The following CNNM2 variants were observed in gnomAD, a reference collection of about 807,000 sequenced individuals.
CNNM2 encodes metal transporter CNNM2.
CNNM2 carries 12 observed loss-of-function variants against 66.9 expected under a neutral mutation model. The observed-to-expected ratio is 0.18, with a 90% CI of 0.11 to 0.29. The LOEUF (loss-of-function observed/expected upper bound fraction) is 0.29. Ranked by LOEUF, CNNM2 falls within the 10% of genes least tolerant of loss-of-function variation. CNNM2 has a pLI of 1.00. For missense variants in CNNM2, 705 were observed against 1,167.7 expected (o/e 0.60, Z 5.77); for synonymous variants, 557 against 501.8 (o/e 1.11, Z -1.47).
intron 6 of CNNM2, 36 bp downstream of exon 6, chr10:103,071,875 A>G (rs1359071902): frequency 6.3e-7 from 1 of 1,592,352 alleles, no homozygotes; most frequent in African/African-American, 1.3e-5. Context: ...AATTCTCCTG[A>G]TTGCCTTCCT....
chr10:102,986,608 A>G (rs1018019292), intron 1 of CNNM2, among the ~76,000 whole-genome samples: 4 of 143,972 alleles, frequency 2.8e-5, no homozygotes, highest in Non-Finnish European at 6.2e-5. Flanking sequence ...CGATGAAACC[A>G]TGTCTCTACT....
intron 1 of CNNM2, among the ~76,000 whole-genome samples, chr10:103,028,743 C>G (rs536895553): frequency 2.2e-4 from 33 of 151,844 alleles, no homozygotes; most frequent in Non-Finnish European, 4.0e-4. Context: ...CAAGATCTTG[C>G]AGAGATAATA....
At position 102,919,133 on chromosome 10, in the gene CNNM2, C is replaced by T. The variant is rs1845535718; in HGVS notation, c.653C>T (p.Ser218Leu). 5.6e-6 allele frequency: 9 copies of T among 1,609,058 alleles called. No homozygotes were observed. Among genetic ancestry groups the T allele is most frequent in the Non-Finnish European group, 7.6e-6 (9 of 1,179,020 alleles). Residue 218 changes from serine (S) to leucine (L), a missense_variant, in exon 1 of 8, where the codon TCG becomes TTG. Physicochemically the swap from Ser to Leu is moderately radical, Grantham distance 145 (BLOSUM62 -2). Around this residue, in one of 9 missense-constraint regions of CNNM2, gnomAD observed 100 missense variants for 151.9 expected, o/e 0.66. Coordinates refer to ENST00000369878, the MANE Select transcript of CNNM2 (RefSeq NM_017649.5). ...GGCGCCGTCGGGGGCAAGGGTGGCT[C>T]GGGGGTGGCCGGGCTCCCGCCGCCC... ...TGGAVGGKGG[S>L]GVAGLPPPPW...
chr10:103,057,169 C>T (rs976545468), intron 4 of CNNM2, among the ~76,000 whole-genome samples: 6 of 152,102 alleles, frequency 3.9e-5, no homozygotes, highest in African/African-American at 1.2e-4. Context: ...ATTTTCAATA[C>T]TAAAAGGTGC....
At chr10:102,932,287 C>A (rs552954202) in intron 1 of CNNM2, among the ~76,000 whole-genome samples, 1 of 151,598 alleles carries the variant, frequency 6.6e-6, no homozygotes, top group Non-Finnish European at 1.5e-5. Context: ...TGGCCTCAAC[C>A]GATCCTCCAG....
intron 1 of CNNM2, among the ~76,000 whole-genome samples, chr10:102,968,224 TTTGTTGTTG>T (rs367990275): frequency 8.6e-5 from 13 of 152,006 alleles, no homozygotes; most frequent in African/African-American, 2.7e-4. Flanking sequence ...TCCACATCTT[TTTGTTGTTG>T]TTGTTGTTGT....
chr10:102,920,376 ATTT>A (rs752188951), intron 1 of CNNM2, among the ~76,000 whole-genome samples: 1 of 143,418 alleles, frequency 7.0e-6, no homozygotes. Context: ...ACACTTATTT[ATTT>A]TTTTTTTTTT....
At chr10:102,971,556 G>C (rs2063547245) in intron 1 of CNNM2, among the ~76,000 whole-genome samples, 1 of 151,906 alleles carries the variant, frequency 6.6e-6, no homozygotes, top group Non-Finnish European at 1.5e-5. Context: ...TAGCCAGTTG[G>C]GTTTTGTGGC....
intron 1 of CNNM2, among the ~76,000 whole-genome samples, chr10:102,959,171 G>A (rs1194641084): frequency 2.0e-5 from 3 of 151,838 alleles, no homozygotes; most frequent in Middle Eastern, 3.4e-3. Flanking sequence ...CTGGGCTCAA[G>A]CGATCACCCG....
chr10:103,006,212 CT>C (rs752126982), intron 1 of CNNM2, among the ~76,000 whole-genome samples: 179 of 143,290 alleles, frequency 1.2e-3, no homozygotes, highest in Middle Eastern at 7.3e-3. Context: ...TTTCTTTTTT[CT>C]TTTTTTTTTT....
Position 103,080,095 on chromosome 10 carries a change from C to T in CNNM2, c.*2915C>T, listed in dbSNP as rs949608023. On this transcript the variant is annotated 3_prime_UTR_variant, in exon 8 of 8. Transcript: ENST00000369878. ...TGGCACCTCCGCTGGACTGCCCTCCCGCGGCGGTGACCTTTTCAAGTGTGG... is the reference window on the plus strand; with the variant it reads ...TGGCACCTCCGCTGGACTGCCCTCCTGCGGCGGTGACCTTTTCAAGTGTGG... 2.0e-5 allele frequency: 3 copies of T among 152,240 alleles called. No individual in the cohort carries two copies. Among genetic ancestry groups the T allele is most frequent in the African/African-American group, 4.8e-5 (2 of 41,428 alleles). 9.4% of individuals were successfully genotyped at this position (152,240 alleles called of 1,614,324 possible). A position where few individuals can be genotyped will look rare whatever the true frequency, so the allele number is the denominator to read the frequency against.
intron 1 of CNNM2, among the ~76,000 whole-genome samples, chr10:102,940,027 G>A (rs1443839254): frequency 6.6e-6 from 1 of 151,942 alleles, no homozygotes; most frequent in African/African-American, 2.4e-5. Context: ...TGTAGGAGAC[G>A]GCCAAAGAGG....
chr10:102,940,513 G>A (rs1279355841), intron 1 of CNNM2, among the ~76,000 whole-genome samples: 1 of 54,524 alleles, frequency 1.8e-5, no homozygotes, highest in African/African-American at 1.3e-4. Flanking sequence ...CCGCCTCCCG[G>A]GTTCACACCA....
At chr10:103,052,613 A>C (rs1476192446) in intron 2 of CNNM2, among the ~76,000 whole-genome samples, 1 of 151,668 alleles carries the variant, frequency 6.6e-6, no homozygotes, top group Non-Finnish European at 1.5e-5. Context: ...TCCTGGGTTC[A>C]AGGGAGTCTC....
At chr10:103,074,878 T>G (rs1367192025) in intron 6 of CNNM2, among the ~76,000 whole-genome samples, 4 of 152,102 alleles carry the variant, frequency 2.6e-5, no homozygotes, top group Admixed American at 2.6e-4. Context: ...TCACTGGAGA[T>G]TCTTGGAGTA....
At chr10:103,036,157 CA>C (rs2064934537) in intron 1 of CNNM2, among the ~76,000 whole-genome samples, 1 of 151,984 alleles carries the variant, frequency 6.6e-6, no homozygotes, top group South Asian at 2.1e-4. Context: ...ACTCTTTCAT[CA>C]AGGGATTTAT....
At chr10:103,051,987 C>T (rs556719900) in intron 2 of CNNM2, among the ~76,000 whole-genome samples, 2 of 151,718 alleles carry the variant, frequency 1.3e-5, no homozygotes, top group Admixed American at 1.3e-4. Flanking sequence ...TGTTTAAAAA[C>T]CAACTGTGGC....
intron 4 of CNNM2, among the ~76,000 whole-genome samples, chr10:103,067,920 T>TC (rs2065508127): frequency 1.3e-5 from 2 of 152,156 alleles, no homozygotes; most frequent in African/African-American, 4.8e-5. Context: ...AGACAGCAAG[T>TC]TACCAGCCTG....
rs191449427 is a variant in CNNM2, at chr10:103,069,770, G to A, written c.2167+1048G>A. Among the ~76,000 whole-genome samples, 83 of 152,320 alleles carry A rather than the reference G, an allele frequency of 5.4e-4. No homozygotes were observed. In the South Asian group the frequency reaches 0.01, roughly 19 times the overall value. ...ATACCTGAGGCAGCCCGAACAGGTC[G>A]GGCAGGTCGACAGAGATGCTGGGGT... On this transcript the variant is annotated intron_variant, in intron 5 of 7. Coordinates refer to ENST00000369878, the MANE Select transcript of CNNM2 (RefSeq NM_017649.5).
Sources: gnomAD v4.1 joint callset for allele counts (sites outside exome capture counted in the v4.1 genomes callset) on GRCh38, gnomAD v4.1.1 for gene constraint, gnomAD v4.1.1 regional missense constraint, MANE v1.5 for transcripts, NCBI Gene and HGNC (gene_info 2026-07-23, HGNC 2026-07-21) for gene names.